The following PRKAG2 variants were observed in gnomAD, a reference collection of about 807,000 sequenced individuals.
The protein encoded by PRKAG2 is 5'-AMP-activated protein kinase subunit gamma-2.
PRKAG2 carries 26 observed loss-of-function variants against 69.6 expected under a neutral mutation model. That is an observed-to-expected ratio of 0.37 (90% confidence interval 0.27 to 0.52). The LOEUF is 0.52. Among genes scored for constraint, PRKAG2 ranks in the 20% least tolerant of loss-of-function variants. The pLI, the probability that PRKAG2 is intolerant of heterozygous loss-of-function variation, is 0.90. For synonymous variants in PRKAG2, 293 were observed against 285.0 expected (o/e 1.03, Z -0.28); for missense variants, 557 against 740.0 (o/e 0.75, Z 2.87).
rs1396098147 is a variant in PRKAG2 at position 151,814,723 on chromosome 7, C to T, written c.115-28182G>A. The stretch of plus-strand genomic sequence containing the variant: ...ACAAGCGGCTGGCAGACAGCATGGG[C>T]TGGCCTAAGACAGCGCAGGCAACGG... On this transcript the variant is annotated intron_variant, in intron 1 of 15. Transcript: ENST00000287878. This position sits in a 1 kb window ranked among gnomAD's most constrained non-coding sequence, Gnocchi z 4.8. 2 of 1,231,666 alleles carry T rather than the reference C, an allele frequency of 1.6e-6. No homozygotes were observed. The highest frequency in any genetic ancestry group is 2.0e-6 in the Non-Finnish European group (2 of 987,996). The allele number at this position is 1,231,666 out of a possible 1,614,324, so 76.3% of individuals were successfully genotyped here.
At chr7:151,646,296 G>A (rs528252756) in intron 4 of PRKAG2, among the ~76,000 whole-genome samples, 2 of 152,336 alleles carry the variant, frequency 1.3e-5, no homozygotes, top group Admixed American at 1.3e-4. Context: ...ACAGTATTAA[G>A]TGTTCCAATC....
chr7:151,593,140 C>T (rs1027969788), intron 6 of PRKAG2, among the ~76,000 whole-genome samples: 5 of 152,170 alleles, frequency 3.3e-5, no homozygotes, highest in African/African-American at 1.2e-4. Context: ...ATGAGTAATA[C>T]ATGGAAAGCT....
rs528944598 is a variant in PRKAG2, at chr7:151,563,621, C to T, written c.1584+457G>A. Among the ~76,000 whole-genome samples, 17 of 152,274 alleles carry T rather than the reference C, an allele frequency of 1.1e-4. No homozygotes were observed. The South Asian group carries it at 2.1e-3, about 19-fold the overall frequency. On this transcript the variant is annotated intron_variant, in intron 14 of 15. Coordinates refer to ENST00000287878, the MANE Select transcript of PRKAG2 (RefSeq NM_016203.4). The stretch of plus-strand genomic sequence containing the variant: ...TAGAGACAGGGTCTTGCTCTGCTGT[C>T]GAGACTGGAGTGCAGTGGCACCGCC...
In PRKAG2 at chr7:151,574,880, G is replaced by A. The variant is rs776445450; in HGVS notation, c.1005+11C>T. 11 of 1,613,574 alleles carry A rather than the reference G, an allele frequency of 6.8e-6. No individual in the cohort carries two copies. In the Admixed American group the frequency reaches 1.5e-4, roughly 22 times the overall value. On this transcript the variant is annotated intron_variant, in intron 8 of 15. Transcript: ENST00000287878. ...GCTCCAACTACTGACATAGGAACTG[G>A]TGCCACTTACCATAGGTGATTTATA...
At chr7:151,832,272 GAGGGAAGGA>G (rs1337013775) in intron 1 of PRKAG2, among the ~76,000 whole-genome samples, 9 of 146,424 alleles carry the variant, frequency 6.1e-5, no homozygotes, top group African/African-American at 2.3e-4. Flanking sequence ...AGGAAGGGAG[GAGGGAAGGA>G]AGGGAGGAGG....
chr7:151,857,574 C>T (rs938162043), intron 1 of PRKAG2, among the ~76,000 whole-genome samples: 4 of 152,194 alleles, frequency 2.6e-5, no homozygotes, highest in Admixed American at 1.3e-4. Context: ...CAGACGGCTC[C>T]GGCTTGATGC....
intron 4 of PRKAG2, among the ~76,000 whole-genome samples, chr7:151,652,912 C>A (rs1828781997): frequency 6.6e-6 from 1 of 152,182 alleles, no homozygotes; most frequent in East Asian, 1.9e-4. Context: ...AGCCACCACA[C>A]CCGGCTTGTT....
At chr7:151,757,651 C>T (rs965215380) in intron 3 of PRKAG2, among the ~76,000 whole-genome samples, 1 of 152,202 alleles carries the variant, frequency 6.6e-6, no homozygotes, top group African/African-American at 2.4e-5. Context: ...TTCCATCCAG[C>T]GGATCCTCTG....
chr7:151,569,988 C>T (rs1012933114), intron 10 of PRKAG2, among the ~76,000 whole-genome samples, 183 bp downstream of exon 10: 5 of 152,198 alleles, frequency 3.3e-5, no homozygotes, highest in African/African-American at 1.2e-4. Flanking sequence ...TCCTTAGCAC[C>T]AGCAACGGCT....
chr7:151,559,482 T>C, intron 15 of PRKAG2: 1 of 983,680 alleles, frequency 1.0e-6, no homozygotes, highest in Non-Finnish European at 1.2e-6. Flanking sequence ...AACATGAACA[T>C]TTCATTTTCT....
intron 9 of PRKAG2, among the ~76,000 whole-genome samples, chr7:151,570,934 A>G (rs990723310): frequency 5.1e-4 from 76 of 150,268 alleles, no homozygotes; most frequent in Non-Finnish European, 1.9e-4. Context: ...CACCCTGCTA[A>G]TTTTTTTTGT....
intron 3 of PRKAG2, among the ~76,000 whole-genome samples, chr7:151,748,232 T>C (rs1427836097): frequency 6.6e-6 from 1 of 152,190 alleles, no homozygotes; most frequent in African/African-American, 2.4e-5. Flanking sequence ...AAAATCTTAC[T>C]TCTTATATAC....
intron 1 of PRKAG2, among the ~76,000 whole-genome samples, chr7:151,869,236 C>G (rs1212780083): frequency 1.3e-5 from 2 of 152,168 alleles, no homozygotes; most frequent in Non-Finnish European, 1.5e-5. Context: ...ATTCAGTACT[C>G]GAGCTGGGAA....
intron 3 of PRKAG2, chr7:151,736,332 G>C (rs1799799902): frequency 8.9e-7 from 1 of 1,121,058 alleles, no homozygotes; most frequent in South Asian, 2.9e-5. Context: ...GAACTTCGCA[G>C]GGGATTTGTT....
intron 1 of PRKAG2, among the ~76,000 whole-genome samples, chr7:151,822,032 C>T (rs1290737585): frequency 6.6e-6 from 1 of 152,194 alleles, no homozygotes; most frequent in African/African-American, 2.4e-5. Context: ...GTTCCAGTGC[C>T]GCGTGACTCA....
chr7:151,803,970 A>T (rs2077974482), intron 1 of PRKAG2, among the ~76,000 whole-genome samples: 1 of 150,352 alleles, frequency 6.7e-6, no homozygotes, highest in African/African-American at 2.4e-5. Flanking sequence ...AATTAATAGG[A>T]TTCAAAAGTC....
At chr7:151,735,506 C>T (rs1007376449) in intron 3 of PRKAG2, among the ~76,000 whole-genome samples, 1 of 152,158 alleles carries the variant, frequency 6.6e-6, no homozygotes, top group Non-Finnish European at 1.5e-5. Flanking sequence ...GGGAAGAAGA[C>T]CTCTCTCTTC....
Position 151,814,438 on chromosome 7 carries a change from GTCT to G in PRKAG2, c.115-27900_115-27898del. Reference sequence around the variant, plus strand: ...TACTCAGCCCCAAGGGGTCCTGGAGGTCTTCTCTTCCAGATGCTAATAAGCAGT... The same window carrying G: ...TACTCAGCCCCAAGGGGTCCTGGAGGTCTCTTCCAGATGCTAATAAGCAGT... On this transcript the variant is annotated intron_variant, in intron 1 of 15. Coordinates refer to ENST00000287878, the MANE Select transcript of PRKAG2 (RefSeq NM_016203.4). The surrounding 1 kb of genome is among the most constrained non-coding windows in gnomAD (Gnocchi z 4.8). The G allele has an allele frequency of 8.1e-7, 1 of 1,229,372 alleles. No individual in the cohort carries two copies. The highest frequency in any genetic ancestry group is 4.3e-5 in the South Asian group (1 of 23,450). The allele number at this position is 1,229,372 out of a possible 1,614,324, so 76.2% of individuals were successfully genotyped here. A position where few individuals can be genotyped will look rare whatever the true frequency, so the allele number is the denominator to read the frequency against.
intron 1 of PRKAG2, among the ~76,000 whole-genome samples, chr7:151,832,499 G>C (rs1328215940): frequency 6.6e-6 from 1 of 152,050 alleles, no homozygotes; most frequent in African/African-American, 2.4e-5. Flanking sequence ...GAGAAAGGGA[G>C]GAGGGTCAGG....
Sources: gnomAD v4.1 joint callset for allele counts (sites outside exome capture counted in the v4.1 genomes callset) on GRCh38, gnomAD v4.1.1 for gene constraint, Gnocchi (gnomAD v3.1) non-coding constraint, MANE v1.5 for transcripts, NCBI Gene and HGNC (gene_info 2026-07-23, HGNC 2026-07-21) for gene names.